The following SASH1 variants were observed in gnomAD, a reference collection of about 807,000 sequenced individuals.
SASH1 encodes SAM and SH3 domain-containing protein 1.
A neutral mutation model predicts 125.2 loss-of-function variants in SASH1; 44 were observed. The observed-to-expected ratio is 0.35, with a 90% CI of 0.28 to 0.45. SASH1 has a LOEUF of 0.45. Among genes scored for constraint, SASH1 ranks in the 20% least tolerant of loss-of-function variants. The pLI, the probability that SASH1 is intolerant of heterozygous loss-of-function variation, is 1.00. For missense variants in SASH1, 1,426 were observed against 1,614.5 expected, an observed-to-expected ratio of 0.88 and a Z score of 2.00; for synonymous variants, 639 against 649.1, an observed-to-expected ratio of 0.98 and a Z score of 0.24.
intron 1 of SASH1, among the ~76,000 whole-genome samples, chr6:148,368,531 AAAGTGTTGGGATT>A (rs1214666516): frequency 6.6e-5 from 10 of 152,134 alleles, no homozygotes; most frequent in African/African-American, 2.2e-4. Context: ...TCAGCCTCCC[AAAGTGTTGGGATT>A]ACGGGTGTGA....
chr6:148,201,358 A>T, the SASH1 span, among the ~76,000 whole-genome samples: 1 of 152,164 alleles, frequency 6.6e-6, no homozygotes, highest in Non-Finnish European at 1.5e-5. Context: ...ACCAAAGTAC[A>T]TTGCCATCCG....
At chr6:148,540,897 C>T (rs1782178187) in intron 17 of SASH1, among the ~76,000 whole-genome samples, 1 of 152,152 alleles carries the variant, frequency 6.6e-6, no homozygotes, top group Non-Finnish European at 1.5e-5. Flanking sequence ...CAGGGTCATA[C>T]CAGCAGCAGT....
the SASH1 span, among the ~76,000 whole-genome samples, chr6:148,219,166 A>G: frequency 1.3e-5 from 2 of 152,250 alleles, no homozygotes; most frequent in Admixed American, 6.5e-5. Context: ...GCCACATTTT[A>G]TCTTGCGAAA....
chr6:148,426,816 C>T (rs1775843980), intron 2 of SASH1, among the ~76,000 whole-genome samples: 1 of 152,068 alleles, frequency 6.6e-6, no homozygotes. Context: ...TAGTCAATCC[C>T]AGTGAGCAAC....
chr6:148,346,959 G>T (rs1323450786), intron 1 of SASH1, among the ~76,000 whole-genome samples: 1 of 152,150 alleles, frequency 6.6e-6, no homozygotes, highest in Non-Finnish European at 1.5e-5. Flanking sequence ...CTATTGAGAA[G>T]TGCAAAACTG....
intron 1 of SASH1, among the ~76,000 whole-genome samples, chr6:148,272,637 A>G (rs1487402876): frequency 6.6e-6 from 1 of 152,068 alleles, no homozygotes; most frequent in Non-Finnish European, 1.5e-5. Flanking sequence ...AATTATGTAG[A>G]TATTTATTTT....
intron 4 of SASH1, among the ~76,000 whole-genome samples, chr6:148,441,291 C>T (rs1417234383): frequency 6.6e-6 from 1 of 152,206 alleles, no homozygotes; most frequent in Non-Finnish European, 1.5e-5. Context: ...TTTGCCTAAT[C>T]CATCCACGTG....
intron 2 of SASH1, among the ~76,000 whole-genome samples, chr6:148,415,927 A>T (rs1011226330): frequency 5.3e-5 from 8 of 152,230 alleles, no homozygotes; most frequent in African/African-American, 1.9e-4. Flanking sequence ...ATTAAAAATA[A>T]ACCTTTTATT....
chr6:148,410,019 A>G (rs1466326588), intron 2 of SASH1, among the ~76,000 whole-genome samples: 2 of 141,168 alleles, frequency 1.4e-5, no homozygotes, highest in African/African-American at 5.3e-5. Context: ...CACAAATTTG[A>G]TTTCTTCTTA....
intron 1 of SASH1, among the ~76,000 whole-genome samples, chr6:148,327,640 T>C (rs1348291746): frequency 6.7e-6 from 1 of 149,900 alleles, no homozygotes; most frequent in Non-Finnish European, 1.5e-5. Flanking sequence ...ATGGAATATG[T>C]TTAAAGCACA....
upstream of SASH1, among the ~76,000 whole-genome samples, chr6:148,270,085 C>T (rs147420269): frequency 1.6e-4 from 24 of 152,314 alleles, no homozygotes; most frequent in East Asian, 5.8e-4. Flanking sequence ...CTGTATTCAA[C>T]GGGGCAGAAT....
chr6:148,502,913 A>G (rs538706460), intron 8 of SASH1, among the ~76,000 whole-genome samples: 16 of 152,252 alleles, frequency 1.1e-4, no homozygotes, highest in African/African-American at 2.4e-4. Flanking sequence ...CGGAATTCCT[A>G]TATCTCTGTG....
chr6:148,212,876 C>CAG, the SASH1 span, among the ~76,000 whole-genome samples: 1 of 152,148 alleles, frequency 6.6e-6, no homozygotes, highest in Admixed American at 6.5e-5. Context: ...CAGAGTGAGG[C>CAG]TTGAACCCAG....
At chr6:148,324,126 A>AAAAAAAAAAC (rs1415710006) in intron 1 of SASH1, among the ~76,000 whole-genome samples, 10 of 149,788 alleles carry the variant, frequency 6.7e-5, no homozygotes, top group Non-Finnish European at 1.5e-4. Flanking sequence ...CTCAAAAAAA[A>AAAAAAAAAAC]AAAAAAAAAA....
At position 148,544,004 on chromosome 6, in the gene SASH1, TG is replaced by T; in HGVS notation, c.2536del (p.Glu846SerfsTer12). 6.2e-7 allele frequency: 1 copy of T among 1,614,046 alleles called. No homozygotes were observed. The highest frequency in any genetic ancestry group is 8.5e-7 in the Non-Finnish European group (1 of 1,180,026). On this transcript the variant is annotated frameshift_variant, in exon 18 of 20. Transcript: ENST00000367467. LOFTEE classifies it high-confidence loss of function. The surrounding 1 kb of genome is among the most constrained non-coding windows in gnomAD (Gnocchi z 6.4). ...TCCCATTCCCTGGATGACCTTCAAGTGGAGCCTGGTGCTGAGCAAGACGTGC... is the reference window on the plus strand; with the variant it reads ...TCCCATTCCCTGGATGACCTTCAAGTGAGCCTGGTGCTGAGCAAGACGTGC... The part of the protein sequence containing the change: ...PRSHSLDDLQ[V>X]EPGAEQDVPT...
chr6:148,512,049 C>A (rs1017701489), intron 8 of SASH1, among the ~76,000 whole-genome samples: 5 of 125,170 alleles, frequency 4.0e-5, no homozygotes, highest in Non-Finnish European at 7.3e-5. Context: ...GACAGAGTCT[C>A]GCTCTGTCGC....
intron 1 of SASH1, among the ~76,000 whole-genome samples, chr6:148,322,509 G>A (rs1463047655): frequency 6.6e-6 from 1 of 151,978 alleles, no homozygotes; most frequent in African/African-American, 2.4e-5. Flanking sequence ...TTTTCTCCCA[G>A]TCATCCTTCA....
At chr6:148,439,637 C>T (rs1007280614) in intron 2 of SASH1, among the ~76,000 whole-genome samples, 52 of 152,110 alleles carry the variant, frequency 3.4e-4, no homozygotes, top group African/African-American at 1.0e-3. Flanking sequence ...ATCAGCTGGG[C>T]GTGGTGGCGC....
At chr6:148,396,770 G>A (rs1447562777) in intron 2 of SASH1, among the ~76,000 whole-genome samples, 1 of 152,102 alleles carries the variant, frequency 6.6e-6, no homozygotes, top group Non-Finnish European at 1.5e-5. Context: ...TCACAGACTT[G>A]GTTCAAATTC....
Sources: gnomAD v4.1 joint callset for allele counts (sites outside exome capture counted in the v4.1 genomes callset) on GRCh38, gnomAD v4.1.1 for gene constraint, Gnocchi (gnomAD v3.1) non-coding constraint, MANE v1.5 for transcripts, NCBI Gene and HGNC (gene_info 2026-07-23, HGNC 2026-07-21) for gene names.